The following HADHA variants were observed in gnomAD, a reference collection of about 807,000 sequenced individuals.
The protein encoded by HADHA is trifunctional enzyme subunit alpha, mitochondrial.
Under a neutral mutation model 91.3 loss-of-function variants are expected in HADHA, and 59 were observed. That is an observed-to-expected ratio of 0.65 (90% CI 0.52 to 0.80). The LOEUF is 0.80. Ranked by LOEUF, HADHA falls within the 30% of genes least tolerant of loss-of-function variation. HADHA has a pLI of 0.00. For missense variants in HADHA, 800 were observed against 927.6 expected, an observed-to-expected ratio of 0.86 and a Z score of 1.79; for synonymous variants, 320 against 338.9, an observed-to-expected ratio of 0.94 and a Z score of 0.61.
At chr2:26,195,287 G>A (rs942459895) in intron 14 of HADHA, 55 bp from the exon 15 acceptor site, 36 of 1,456,158 alleles carry the variant, frequency 2.5e-5, no homozygotes, top group Admixed American at 6.7e-5. Context: ...AGGAACCTGA[G>A]AGCATTCCTT....
Position 26,204,192 on chromosome 2 carries a change from G to A in HADHA, c.1090C>T (p.Leu364=). Reference sequence around the variant, plus strand: ...ATCAGCCCTGCACCAAGAATAGCCAGATGCCTGCAAGGCAAGGATGAAATG... The same window carrying A: ...ATCAGCCCTGCACCAAGAATAGCCAAATGCCTGCAAGGCAAGGATGAAATG... ...FGAPQKDVKH[L]AILGAGLMGA... The change falls in exon 12 of 20, where the codon CTG becomes TTG. Residue 364 remains leucine (L), a synonymous_variant. Transcript: ENST00000380649. 6.2e-7 allele frequency: 1 copy of A among 1,614,014 alleles called. No homozygotes were observed. The highest frequency in any genetic ancestry group is 8.5e-7 in the Non-Finnish European group (1 of 1,179,828).
chr2:26,214,696 A>G lies in HADHA; in HGVS notation c.800-135T>C. 1 of 677,378 alleles carries G rather than the reference A, an allele frequency of 1.5e-6. No individual in the cohort carries two copies. The highest frequency in any genetic ancestry group is 2.6e-6 in the Non-Finnish European group (1 of 378,570). The allele number at this position is 677,378 out of a possible 1,614,324, so 42.0% of individuals were successfully genotyped here. A position where few individuals can be genotyped will look rare whatever the true frequency, so the allele number is the denominator to read the frequency against. ...TGCTCTTTATTCTGATACACACAAT[A>G]TAAATTTCAACCTAAGCACTACCTT... On this transcript the variant is annotated intron_variant, in intron 8 of 19. Coordinates refer to ENST00000380649, the MANE Select transcript of HADHA (RefSeq NM_000182.5). The surrounding 1 kb of genome is among the most constrained non-coding windows in gnomAD (Gnocchi z 4.1).
At chr2:26,204,808 C>T (rs909530067) in intron 11 of HADHA, among the ~76,000 whole-genome samples, 70 of 152,246 alleles carry the variant, frequency 4.6e-4, no homozygotes, top group African/African-American at 1.6e-3. Flanking sequence ...GTCTCGAACT[C>T]CTGGCCTGGC....
Position 26,229,348 on chromosome 2 carries a change from G to GCGCACACACA in HADHA, c.676+843_676+844insTGTGTGTGCG, listed in dbSNP as rs1553315305. ...GTGAGACCCCAACATGTGTGCGCGC[G>GCGCACACACA]CACACACACACACACACACACACAC... On this transcript the variant is annotated intron_variant, in intron 7 of 19. Coordinates refer to ENST00000380649, the MANE Select transcript of HADHA (RefSeq NM_000182.5). This position sits in a 1 kb window ranked among gnomAD's most constrained non-coding sequence, Gnocchi z 4.3. Among the ~76,000 whole-genome samples the GCGCACACACA allele has an allele frequency of 1.7e-4, 25 of 147,626 alleles. No individual in the cohort carries two copies. The highest frequency in any genetic ancestry group is 5.8e-4 in the African/African-American group (23 of 39,656).
Position 26,244,598 on chromosome 2 carries a change from T to C in HADHA, c.-2A>G, listed in dbSNP as rs371020968. 1 of 1,578,542 alleles carries C rather than the reference T, an allele frequency of 6.3e-7. No individual in the cohort carries two copies. Among genetic ancestry groups the C allele is most frequent in the Non-Finnish European group, 8.6e-7 (1 of 1,161,588 alleles). ...GCCAATCGCCCGGCAGGCCACCATCTTGAGCTGAAGAGGACAGCAGTGGAG... is the reference window on the plus strand; with the variant it reads ...GCCAATCGCCCGGCAGGCCACCATCCTGAGCTGAAGAGGACAGCAGTGGAG... On this transcript the variant is annotated 5_prime_UTR_variant, in exon 1 of 20. Coordinates refer to ENST00000380649, the MANE Select transcript of HADHA (RefSeq NM_000182.5).
chr2:26,201,850 A>G (rs1301361712), intron 12 of HADHA, among the ~76,000 whole-genome samples: 2 of 151,496 alleles, frequency 1.3e-5, no homozygotes, highest in East Asian at 3.9e-4. Context: ...GCTGGAGTGC[A>G]GTGGCGTGAT....
At chr2:26,199,054 C>T (rs957365909) in intron 13 of HADHA, among the ~76,000 whole-genome samples, 1 of 152,144 alleles carries the variant, frequency 6.6e-6, no homozygotes, top group Non-Finnish European at 1.5e-5. Flanking sequence ...GCCACCATGC[C>T]TGGCTAATTT....
chr2:26,209,138 T>A lies in HADHA; in HGVS notation c.1085+642A>T, dbSNP rs1264374589. Reference sequence around the variant, plus strand: ...CCTGGCCTCCACCCACAGATGCCAGTAGCATCCCTCCCTCCCTAGTTGTGA... The same window carrying A: ...CCTGGCCTCCACCCACAGATGCCAGAAGCATCCCTCCCTCCCTAGTTGTGA... On this transcript the variant is annotated intron_variant, in intron 11 of 19. Coordinates refer to ENST00000380649, the MANE Select transcript of HADHA (RefSeq NM_000182.5). 3.9e-5 allele frequency among the ~76,000 whole-genome samples: 6 copies of A among 152,146 alleles called. No homozygotes were observed. In the East Asian group the frequency reaches 1.2e-3, roughly 29 times the overall value.
In HADHA at chr2:26,214,437, A is replaced by T; in HGVS notation, c.918+6T>A. ...GAGAAAAGTGGGAATATTGGGTAAGACTCACATCAATTATTTTCAGAGGTG... is the reference window on the plus strand; with the variant it reads ...GAGAAAAGTGGGAATATTGGGTAAGTCTCACATCAATTATTTTCAGAGGTG... On this transcript the variant is annotated splice_donor_region_variant and intron_variant, in intron 9 of 19. Coordinates refer to ENST00000380649, the MANE Select transcript of HADHA (RefSeq NM_000182.5). This position sits in a 1 kb window ranked among gnomAD's most constrained non-coding sequence, Gnocchi z 4.1. 7.8e-7 allele frequency: 1 copy of T among 1,284,072 alleles called. No individual in the cohort carries two copies. Among genetic ancestry groups the T allele is most frequent in the Non-Finnish European group, 1.1e-6 (1 of 880,266 alleles). 79.5% of individuals were successfully genotyped at this position (1,284,072 alleles called of 1,614,324 possible).
intron 3 of HADHA, among the ~76,000 whole-genome samples, chr2:26,238,656 G>T (rs1365307279): frequency 2.0e-5 from 3 of 152,174 alleles, no homozygotes; most frequent in Non-Finnish European, 2.9e-5. Context: ...CTTGTACTCT[G>T]GTTCTTCTCT....
At chr2:26,200,269 A>G (rs1285444895) in intron 13 of HADHA, among the ~76,000 whole-genome samples, 1 of 152,128 alleles carries the variant, frequency 6.6e-6, no homozygotes, top group Admixed American at 6.5e-5. Context: ...TTCACCTTTC[A>G]GTAACCCACA....
Position 26,229,802 on chromosome 2 carries a change from G to A in HADHA, c.676+390C>T, listed in dbSNP as rs1670576067. ...TTCTTAAGAGTTTGAGCTTCTCTCT[G>A]TGCTTCCTGTGATATTCAAGAGGTT... On this transcript the variant is annotated intron_variant, in intron 7 of 19. Transcript: ENST00000380649. The surrounding 1 kb of genome is among the most constrained non-coding windows in gnomAD (Gnocchi z 4.3). Among the ~76,000 whole-genome samples, 2 of 152,110 alleles carry A rather than the reference G, an allele frequency of 1.3e-5. No homozygotes were observed. The highest frequency in any genetic ancestry group is 4.8e-5 in the African/African-American group (2 of 41,414).
intron 1 of HADHA, among the ~76,000 whole-genome samples, chr2:26,242,780 T>C (rs759540394): frequency 2.4e-4 from 37 of 152,368 alleles, no homozygotes; most frequent in South Asian, 1.0e-3. Flanking sequence ...TTGTTTGTTT[T>C]TGAGACGGAG....
chr2:26,198,607 C>G (rs1315534182), intron 13 of HADHA, among the ~76,000 whole-genome samples: 1 of 151,302 alleles, frequency 6.6e-6, no homozygotes, highest in African/African-American at 2.4e-5. Context: ...CACTGAAAAG[C>G]TGAGTACAAA....
intron 1 of HADHA, among the ~76,000 whole-genome samples, chr2:26,240,057 A>G (rs903215943): frequency 3.9e-5 from 6 of 152,160 alleles, no homozygotes; most frequent in African/African-American, 1.2e-4. Context: ...TTATATTTGC[A>G]TCATGACTCC....
In HADHA at chr2:26,192,482, A is replaced by G. The variant is rs191166517; in HGVS notation, c.1886-58T>C. The G allele has an allele frequency of 9.9e-5, 97 of 982,470 alleles. No homozygotes were observed. The African/African-American group carries it at 1.4e-3, about 14-fold the overall frequency. 60.9% of individuals were successfully genotyped at this position (982,470 alleles called of 1,614,324 possible). On this transcript the variant is annotated intron_variant, in intron 17 of 19. Coordinates refer to ENST00000380649, the MANE Select transcript of HADHA (RefSeq NM_000182.5). ...TTGTTCTCAGGGAGGGAGTGTTACT[A>G]TTTGTTCTCAGAACCCTGGCCTGGC... is the stretch of plus-strand genomic sequence containing the variant.
At chr2:26,232,336 G>A in intron 5 of HADHA, 57 bp from the exon 6 acceptor site, 1 of 1,223,234 alleles carries the variant, frequency 8.2e-7, no homozygotes, top group Non-Finnish European at 1.2e-6. Flanking sequence ...GTAGCAACTT[G>A]AGATGGATAA....
intron 1 of HADHA, among the ~76,000 whole-genome samples, chr2:26,240,885 T>C (rs1670873183): frequency 6.6e-6 from 1 of 152,178 alleles, no homozygotes; most frequent in South Asian, 2.1e-4. Context: ...CACACACTCA[T>C]ACACAAAACC....
chr2:26,204,248 G>A, intron 11 of HADHA, 52 bp from the exon 12 acceptor site: 1 of 1,557,982 alleles, frequency 6.4e-7, no homozygotes, highest in South Asian at 1.1e-5. Context: ...AATCATTTCA[G>A]TCAAAGTGGA....
Sources: allele counts gnomAD v4.1 joint callset (sites outside exome capture counted in the v4.1 genomes callset), GRCh38; gene constraint gnomAD v4.1.1; non-coding constraint Gnocchi (gnomAD v3.1); transcripts MANE v1.5; gene names NCBI Gene and HGNC (gene_info 2026-07-23, HGNC 2026-07-21).